Variants in ADAMTS5 observed in about 807,000 individuals in gnomAD.
ADAMTS5 encodes A disintegrin and metalloproteinase with thrombospondin motifs 5.
ADAMTS5 carries 54 observed loss-of-function variants against 81.4 expected under a neutral mutation model. That is an observed-to-expected ratio of 0.66 (90% confidence interval 0.53 to 0.83). The LOEUF is 0.83. Ranked by LOEUF, ADAMTS5 falls within the 40% of genes least tolerant of loss-of-function variation. The pLI is 0.00. For synonymous variants in ADAMTS5, 532 were observed against 508.8 expected, an observed-to-expected ratio of 1.05 and a Z score of -0.61; for missense variants, 1,194 against 1,229.9, an observed-to-expected ratio of 0.97 and a Z score of 0.44.
intron 2 of ADAMTS5, among the ~76,000 whole-genome samples, chr21:26,952,115 C>G (rs929899860): frequency 1.3e-5 from 2 of 152,080 alleles, no homozygotes; most frequent in Admixed American, 6.5e-5. Context: ...ATATGTAATA[C>G]AAAAGGGAAG....
intron 3 of ADAMTS5, 22 bp from the exon 4 acceptor site, chr21:26,934,771 A>G: frequency 6.2e-7 from 1 of 1,609,466 alleles, no homozygotes; most frequent in South Asian, 1.1e-5. Flanking sequence ...ACTGAGATTG[A>G]CCACGGCTCT....
Position 26,965,346 on chromosome 21 carries a change from T to A in ADAMTS5, c.1046A>T (p.Asn349Ile). The A allele has an allele frequency of 6.2e-7, 1 of 1,614,220 alleles. No homozygotes were observed. Among genetic ancestry groups the A allele is most frequent in the Non-Finnish European group, 8.5e-7 (1 of 1,180,024 alleles). The change falls in exon 1 of 8, where the codon AAC becomes ATC. Residue 349 changes from asparagine to isoleucine, a missense_variant. Asn to Ile is a moderately radical substitution (Grantham distance 149). Transcript: ENST00000284987. ...KNFCKWQHQHNQLGDDHEEHY... is the reference protein window; with the variant it reads ...KNFCKWQHQHIQLGDDHEEHY... ...CTCCTCATGGTCATCTCCCAGCTGG[T>A]TGTGTTGGTGCTGCCACTTGCAAAA...
intron 1 of ADAMTS5, among the ~76,000 whole-genome samples, chr21:26,957,831 G>A (rs779583559): frequency 3.3e-5 from 5 of 151,714 alleles, no homozygotes; most frequent in East Asian, 1.9e-4. Context: ...CACCAGCAGA[G>A]ATTCGATAGG....
chr21:26,949,793 T>C (rs1987284555), intron 2 of ADAMTS5, among the ~76,000 whole-genome samples: 1 of 152,228 alleles, frequency 6.6e-6, no homozygotes, highest in South Asian at 2.1e-4. Flanking sequence ...AAACTGCTTG[T>C]TGATTAAAGC....
At chr21:26,930,204 A>G in intron 6 of ADAMTS5, 143 bp from the exon 7 acceptor site, 10 of 803,544 alleles carry the variant, frequency 1.2e-5, no homozygotes, top group Non-Finnish European at 1.8e-5. Flanking sequence ...CCAAAAAAAC[A>G]TAGTTTCCAG....
rs564674411 is a variant in ADAMTS5, at chr21:26,924,114, T to C, written c.2732A>G (p.Lys911Arg). 20 of 1,612,332 alleles carry C rather than the reference T, an allele frequency of 1.2e-5. No individual in the cohort carries two copies. Among genetic ancestry groups the C allele is most frequent in the Admixed American group, 8.3e-5 (5 of 59,990 alleles). Reference protein sequence around the residue: ...QCQDGNRKLAKGCPLSQRPSA... With the variant: ...QCQDGNRKLARGCPLSQRPSA... ...AGGCCTTTGGGAGAGAGGACATCCTTTTGCTAACTTCCGGTTTCCATCCTG... is the reference window on the plus strand; with the variant it reads ...AGGCCTTTGGGAGAGAGGACATCCTCTTGCTAACTTCCGGTTTCCATCCTG... Residue 911 changes from lysine (K) to arginine (R), a missense_variant, in exon 8 of 8, where the codon AAA becomes AGA. Lys to Arg is a conservative substitution (Grantham distance 26). Transcript: ENST00000284987.
intron 3 of ADAMTS5, among the ~76,000 whole-genome samples, chr21:26,935,711 T>A (rs1987001492): frequency 6.6e-6 from 1 of 151,986 alleles, no homozygotes; most frequent in Admixed American, 6.6e-5. Flanking sequence ...AACCTTAAAT[T>A]TGCTTCCTCT....
chr21:26,959,748 C>T (rs1195214844), intron 1 of ADAMTS5, among the ~76,000 whole-genome samples: 1 of 152,162 alleles, frequency 6.6e-6, no homozygotes, highest in Non-Finnish European at 1.5e-5. Context: ...TAACTCGCCT[C>T]CTTCTCTCAC....
chr21:26,922,514 G>A lies in ADAMTS5; in HGVS notation c.*1539C>T, dbSNP rs1986718805. ...TTTATAAAGAAAAATTGGCTTTGCA[G>A]TGTTTCACAACAAAAGAAATCCCAA... On this transcript the variant is annotated 3_prime_UTR_variant, in exon 8 of 8. Coordinates refer to ENST00000284987, the MANE Select transcript of ADAMTS5 (RefSeq NM_007038.5). 6.6e-6 allele frequency: 1 copy of A among 152,028 alleles called. No homozygotes were observed. The highest frequency in any genetic ancestry group is 6.5e-5 in the Admixed American group (1 of 15,276). The allele number at this position is 152,028 out of a possible 1,614,324, so 9.4% of individuals were successfully genotyped here.
At position 26,920,699 on chromosome 21, in the gene ADAMTS5, C is replaced by T. The variant is rs1303864131; in HGVS notation, c.*3354G>A. 6.6e-6 allele frequency: 1 copy of T among 152,016 alleles called. No homozygotes were observed. The highest frequency in any genetic ancestry group is 2.4e-5 in the African/African-American group (1 of 41,408). The allele number at this position is 152,016 out of a possible 1,614,324, so 9.4% of individuals were successfully genotyped here. On this transcript the variant is annotated 3_prime_UTR_variant, in exon 8 of 8. Transcript: ENST00000284987. ...TTAGCGTCTGTAGGAAGCTTCTAGGCTATTTGTGTACCCAAATTTAAAACT... is the reference window on the plus strand; with the variant it reads ...TTAGCGTCTGTAGGAAGCTTCTAGGTTATTTGTGTACCCAAATTTAAAACT...
chr21:26,934,658 C>T lies in ADAMTS5; in HGVS notation c.1497G>A (p.Leu499=), dbSNP rs1232599034. 3.7e-6 allele frequency: 6 copies of T among 1,614,184 alleles called. 1 individual carries two copies. The Admixed American group carries it at 1.0e-4, about 27-fold the overall frequency. The part of the protein sequence containing the change: ...QTYDATQQCN[L]TFGPEYSVCP... Reference sequence around the variant, plus strand: ...ACACGGAGTACTCAGGCCCGAATGTCAGGTTGCACTGCTGGGTGGCATCGT... The same window carrying T: ...ACACGGAGTACTCAGGCCCGAATGTTAGGTTGCACTGCTGGGTGGCATCGT... The change falls in exon 4 of 8, where the codon CTG becomes CTA. Residue 499 remains leucine, a synonymous_variant. Coordinates refer to ENST00000284987, the MANE Select transcript of ADAMTS5 (RefSeq NM_007038.5).
intron 1 of ADAMTS5, among the ~76,000 whole-genome samples, chr21:26,963,252 TG>T (rs1987564322): frequency 6.6e-6 from 1 of 152,000 alleles, no homozygotes; most frequent in South Asian, 2.1e-4. Context: ...ATTTAAAATA[TG>T]CTGTTAAGTT....
intron 4 of ADAMTS5, among the ~76,000 whole-genome samples, chr21:26,933,372 A>C (rs1477431494): frequency 6.6e-6 from 1 of 152,130 alleles, no homozygotes; most frequent in African/African-American, 2.4e-5. Flanking sequence ...TGTTAATATC[A>C]CTGAACCATG....
intron 7 of ADAMTS5, among the ~76,000 whole-genome samples, chr21:26,928,099 T>A (rs1265850605): frequency 2.6e-5 from 4 of 152,270 alleles, no homozygotes; most frequent in Non-Finnish European, 5.9e-5. Context: ...TCATTTCACC[T>A]TCACAACAGT....
Position 26,943,409 on chromosome 21 carries a change from GT to G in ADAMTS5, c.1375del (p.Thr459ProfsTer41). ...GCCATCATCCAGGAATTCTGTGATGGTGGCTGAAGTGCATTTGGACCAGGGC... is the reference window on the plus strand; with the variant it reads ...GCCATCATCCAGGAATTCTGTGATGGGGCTGAAGTGCATTTGGACCAGGGC... Reference protein sequence around the residue: ...SKPWSKCTSATITEFLDDGHG... With the variant: ...SKPWSKCTSAXITEFLDDGHG... On this transcript the variant is annotated frameshift_variant, in exon 3 of 8. Transcript: ENST00000284987. LOFTEE classifies it high-confidence loss of function. 1 of 1,613,372 alleles carries G rather than the reference GT, an allele frequency of 6.2e-7. No homozygotes were observed. The highest frequency in any genetic ancestry group is 1.1e-5 in the South Asian group (1 of 91,000).
In ADAMTS5 at chr21:26,966,657, T is replaced by TAAA; in HGVS notation, c.-269_-267dup. 5.9e-6 allele frequency: 1 copy of TAAA among 169,350 alleles called. No individual in the cohort carries two copies. The highest frequency in any genetic ancestry group is 1.1e-5 in the Non-Finnish European group (1 of 93,200). The allele number at this position is 169,350 out of a possible 1,614,324, so 10.5% of individuals were successfully genotyped here. Reference sequence around the variant, plus strand: ...GTGGGGGGGGGGGGAAAGAAAAGATTAAAAAAAAAAAGTCGGATAGTGGAG... The same window carrying TAAA: ...GTGGGGGGGGGGGGAAAGAAAAGATTAAAAAAAAAAAAAAGTCGGATAGTGGAG... On this transcript the variant is annotated 5_prime_UTR_variant, in exon 1 of 8. Coordinates refer to ENST00000284987, the MANE Select transcript of ADAMTS5 (RefSeq NM_007038.5).
At chr21:26,938,730 G>T (rs542994475) in intron 3 of ADAMTS5, among the ~76,000 whole-genome samples, 10 of 152,184 alleles carry the variant, frequency 6.6e-5, no homozygotes, top group African/African-American at 2.4e-4. Context: ...ATGTTTCGCC[G>T]TGTTGGCCAG....
At chr21:26,950,213 T>G (rs1410944711) in intron 2 of ADAMTS5, among the ~76,000 whole-genome samples, 1 of 152,242 alleles carries the variant, frequency 6.6e-6, no homozygotes, top group African/African-American at 2.4e-5. Context: ...TTGCAAATTA[T>G]GGATTTCATT....
chr21:26,946,148 T>C (rs1987211506), intron 2 of ADAMTS5, among the ~76,000 whole-genome samples: 1 of 152,118 alleles, frequency 6.6e-6, no homozygotes, highest in Non-Finnish European at 1.5e-5. Flanking sequence ...GTGACTTCCC[T>C]TCAGGAGCTG....
Sources: gnomAD v4.1 joint callset for allele counts (sites outside exome capture counted in the v4.1 genomes callset) on GRCh38, gnomAD v4.1.1 for gene constraint, MANE v1.5 for transcripts, NCBI Gene and HGNC (gene_info 2026-07-23, HGNC 2026-07-21) for gene names.